Variants in UBE3C observed in about 807,000 individuals in gnomAD.
UBE3C encodes the protein ubiquitin protein ligase E3C.
In UBE3C, 42 loss-of-function variants were observed where a neutral mutation model predicts 129.4. The observed-to-expected ratio is 0.32, with a 90% CI of 0.25 to 0.42. The LOEUF (loss-of-function observed/expected upper bound fraction) is 0.42. Ranked by LOEUF, UBE3C falls within the 10% of genes least tolerant of loss-of-function variation. The pLI is 1.00. For synonymous variants in UBE3C, 510 were observed against 492.4 expected (o/e 1.04, Z -0.47); for missense variants, 1,049 against 1,319.1 (o/e 0.80, Z 3.17).
At chr7:157,249,602 C>T (rs1044454993) in intron 19 of UBE3C, among the ~76,000 whole-genome samples, 30 of 152,184 alleles carry the variant, frequency 2.0e-4, no homozygotes, top group African/African-American at 5.6e-4. Context: ...CGTGAGCCAC[C>T]GTGGCCGGCA....
chr7:157,161,342 TTTAA>T (rs1174946111), intron 1 of UBE3C, among the ~76,000 whole-genome samples: 2 of 152,206 alleles, frequency 1.3e-5, no homozygotes, highest in African/African-American at 4.8e-5. Flanking sequence ...CATGAATCAT[TTTAA>T]TTAAGTTTAA....
chr7:157,207,273 G>A, intron 11 of UBE3C, 125 bp from the exon 12 acceptor site: 1 of 1,356,346 alleles, frequency 7.4e-7, no homozygotes, highest in Non-Finnish European at 1.0e-6. Flanking sequence ...CCTTTAAATA[G>A]TTTAATTCCT....
rs115049391 is a variant in UBE3C, at chr7:157,269,224, A to G, written c.*1469A>G. 647 of 152,620 alleles carry G rather than the reference A, an allele frequency of 4.2e-3. 5 individuals carry two copies. Among genetic ancestry groups the G allele is most frequent in the African/African-American group, 0.015 (617 of 41,554 alleles). The allele number at this position is 152,620 out of a possible 1,614,324, so 9.5% of individuals were successfully genotyped here. A position where few individuals can be genotyped will look rare whatever the true frequency, so the allele number is the denominator to read the frequency against. ...TCTTATTAGTTAATTTGTATATTTT[A>G]TTAGTATTTTGGAAATAGCATATCT... On this transcript the variant is annotated 3_prime_UTR_variant, in exon 23 of 23. Coordinates refer to ENST00000348165, the MANE Select transcript of UBE3C (RefSeq NM_014671.3).
chr7:157,207,841 A>G lies in UBE3C; in HGVS notation c.1715A>G (p.Tyr572Cys). The change falls in exon 13 of 23, where the codon TAT (tyrosine) becomes TGT (cysteine). Residue 572 changes from tyrosine to cysteine, a missense_variant. Transcript: ENST00000348165. ...PETKPEVREE[Y>C]ITAFQSIGVT... The stretch of plus-strand genomic sequence containing the variant: ...ACCAAGCCAGAAGTTCGAGAAGAAT[A>G]TATTACAGCATTTCAGAGTATTGGA... 4 of 1,614,114 alleles carry G rather than the reference A, an allele frequency of 2.5e-6. No homozygotes were observed. Among genetic ancestry groups the G allele is most frequent in the South Asian group, 1.1e-5 (1 of 91,074 alleles).
At chr7:157,143,272 G>T (rs989913261) in intron 1 of UBE3C, among the ~76,000 whole-genome samples, 1 of 152,052 alleles carries the variant, frequency 6.6e-6, no homozygotes, top group East Asian at 1.9e-4. Flanking sequence ...GTTTTTCTTG[G>T]TAGTGTATAG....
chr7:157,187,391 TTC>T (rs1491336846), intron 10 of UBE3C, among the ~76,000 whole-genome samples: 7 of 150,664 alleles, frequency 4.6e-5, no homozygotes, highest in African/African-American at 1.5e-4. Flanking sequence ...GTTTTTTTTT[TTC>T]TTCTTCTTCT....
At chr7:157,244,687 C>A (rs1796431481) in intron 18 of UBE3C, among the ~76,000 whole-genome samples, 1 of 152,178 alleles carries the variant, frequency 6.6e-6, no homozygotes, top group South Asian at 2.1e-4. Flanking sequence ...TCTGATAGAG[C>A]CACAATTTGC....
chr7:157,201,183 G>A (rs991861854), intron 10 of UBE3C, among the ~76,000 whole-genome samples: 1 of 151,868 alleles, frequency 6.6e-6, no homozygotes, highest in Non-Finnish European at 1.5e-5. Flanking sequence ...AATTAGCCAG[G>A]CGTGGTGGCG....
At chr7:157,154,706 G>A (rs957315444) in intron 1 of UBE3C, among the ~76,000 whole-genome samples, 1 of 152,132 alleles carries the variant, frequency 6.6e-6, no homozygotes, top group Non-Finnish European at 1.5e-5. Flanking sequence ...GGCGTATATT[G>A]TGATATTTAA....
intron 17 of UBE3C, 150 bp from the exon 18 acceptor site, chr7:157,230,930 A>G: frequency 2.5e-6 from 3 of 1,211,276 alleles, no homozygotes; most frequent in Non-Finnish European, 2.3e-6. Context: ...GTCTCAAAAA[A>G]TAATGATAAT....
chr7:157,211,193 A>AGAGAGAGAGAGAGAGAGAGC (rs1023528201), intron 13 of UBE3C, among the ~76,000 whole-genome samples: 1 of 151,494 alleles, frequency 6.6e-6, no homozygotes, highest in Non-Finnish European at 1.5e-5. Context: ...AGAGAGAGAG[A>AGAGAGAGAGAGAGAGAGAGC]GCCATACTAT....
chr7:157,263,751 AT>A (rs200761950), intron 22 of UBE3C, among the ~76,000 whole-genome samples: 945 of 124,718 alleles, frequency 7.6e-3, no homozygotes, highest in Non-Finnish European at 8.3e-3. Context: ...TTTATATTGG[AT>A]TTTTTTTTTT....
Position 157,207,886 on chromosome 7 carries a change from T to C in UBE3C, c.1760T>C (p.Met587Thr). Residue 587 changes from methionine to threonine, a missense_variant, in exon 13 of 23, where the codon ATG becomes ACG. Around this residue, in one of 4 missense-constraint regions of UBE3C, gnomAD observed 314 missense variants for 416.9 expected, o/e 0.75. Transcript: ENST00000348165. ...ATTGGAGTTACTACTAGCTCTGAAA[T>C]GCAACAATGCATACAGATGGAACAG... ...QSIGVTTSSE[M>T]QQCIQMEQKR... 1 of 1,612,660 alleles carries C rather than the reference T, an allele frequency of 6.2e-7. No homozygotes were observed. The highest frequency in any genetic ancestry group is 8.5e-7 in the Non-Finnish European group (1 of 1,179,490).
chr7:157,253,389 A>G (rs1261921820), intron 19 of UBE3C, among the ~76,000 whole-genome samples: 1 of 152,230 alleles, frequency 6.6e-6, no homozygotes, highest in Non-Finnish European at 1.5e-5. Context: ...ACTAATAAAA[A>G]GTGTTCTTAC....
chr7:157,141,043 C>G (rs1000516632), intron 1 of UBE3C, among the ~76,000 whole-genome samples: 15 of 152,294 alleles, frequency 9.8e-5, no homozygotes, highest in East Asian at 5.8e-4. Context: ...ACAATTGGCC[C>G]TAATTGCGGC....
At chr7:157,237,239 A>G (rs889068207) in intron 18 of UBE3C, among the ~76,000 whole-genome samples, 1 of 151,798 alleles carries the variant, frequency 6.6e-6, no homozygotes, top group African/African-American at 2.4e-5. Context: ...CAGGAGATCG[A>G]GACCATCCTG....
At chr7:157,142,993 G>A (rs1418139766) in intron 1 of UBE3C, among the ~76,000 whole-genome samples, 5 of 151,730 alleles carry the variant, frequency 3.3e-5, no homozygotes, top group Admixed American at 6.6e-5. Flanking sequence ...TCAGCTTCCC[G>A]GGTAGCTGGG....
At chr7:157,247,799 T>C (rs1033251502) in intron 18 of UBE3C, among the ~76,000 whole-genome samples, 2 of 152,206 alleles carry the variant, frequency 1.3e-5, no homozygotes, top group Non-Finnish European at 2.9e-5. Context: ...CCATGGCTGC[T>C]TTTGTGCTGC....
At chr7:157,265,502 A>G (rs906988748) in intron 22 of UBE3C, among the ~76,000 whole-genome samples, 6 of 152,222 alleles carry the variant, frequency 3.9e-5, no homozygotes, top group African/African-American at 9.7e-5. Flanking sequence ...CTACAGATAC[A>G]TTTGCACAAC....
Sources: allele counts gnomAD v4.1 joint callset (sites outside exome capture counted in the v4.1 genomes callset), GRCh38; gene constraint gnomAD v4.1.1; regional missense constraint gnomAD v4.1.1; transcripts MANE v1.5; gene names NCBI Gene and HGNC (gene_info 2026-07-23, HGNC 2026-07-21).